SVIL: variants seen among roughly 807,000 people sequenced by gnomAD.
The protein encoded by SVIL is supervillin.
SVIL carries 101 observed loss-of-function variants against 240.4 expected under a neutral mutation model. The observed-to-expected ratio is 0.42, with a 90% CI of 0.36 to 0.50. SVIL has a LOEUF of 0.50. Ranked by LOEUF, SVIL falls within the 20% of genes least tolerant of loss-of-function variation. SVIL has a pLI of 0.01. For missense variants in SVIL, 2,512 were observed against 2,818.7 expected, an observed-to-expected ratio of 0.89 and a Z score of 2.46; for synonymous variants, 999 against 1,100.0, an observed-to-expected ratio of 0.91 and a Z score of 1.82.
intron 1 of SVIL, among the ~76,000 whole-genome samples, chr10:29,598,104 G>T (rs370100078): frequency 6.6e-6 from 1 of 152,054 alleles, no homozygotes; most frequent in Non-Finnish European, 1.5e-5. Context: ...CTGCTACAAC[G>T]TAGATCATGC....
intron 2 of SVIL, among the ~76,000 whole-genome samples, chr10:29,686,181 T>A (rs1480931040): frequency 1.3e-5 from 2 of 152,192 alleles, no homozygotes; most frequent in Non-Finnish European, 2.9e-5. Context: ...GAACCTGTGA[T>A]TAAAATGAGT....
chr10:29,592,139 C>A (rs1269849639), intron 1 of SVIL, among the ~76,000 whole-genome samples: 1 of 152,180 alleles, frequency 6.6e-6, no homozygotes. Flanking sequence ...ATAATCCCAG[C>A]TGCTTGGGAG....
chr10:29,471,196 G>T lies in SVIL; in HGVS notation c.5577C>A (p.Phe1859Leu), dbSNP rs1381193874. Residue 1859 changes from phenylalanine (F) to leucine (L), a missense_variant, in exon 31 of 38, where the codon TTC becomes TTA. By Grantham distance (22) the Phe-to-Leu change is conservative. Coordinates refer to ENST00000355867, the MANE Select transcript of SVIL (RefSeq NM_021738.3). ...GKEPPCFLQC[F>L]QGGMVVHSGR... ...CCGAGTGCACCACCATCCCCCCCTG[G>T]AAACACTGCAGGAAACAGGGGGGCT... The T allele has an allele frequency of 7.4e-6, 12 of 1,613,650 alleles. No individual in the cohort carries two copies. Among genetic ancestry groups the T allele is most frequent in the Non-Finnish European group, 1.0e-5 (12 of 1,179,866 alleles).
intron 6 of SVIL, among the ~76,000 whole-genome samples, chr10:29,541,959 A>G (rs1952198916): frequency 6.6e-6 from 1 of 152,218 alleles, no homozygotes; most frequent in Non-Finnish European, 1.5e-5. Flanking sequence ...GCTTTGTCGT[A>G]TAAACAAGTG....
rs372711014 is a variant in SVIL, at chr10:29,573,285, G to A, written c.-200-3973C>T. 1.6e-3 allele frequency among the ~76,000 whole-genome samples: 245 copies of A among 152,000 alleles called. 9 individuals are homozygous for A. In the South Asian group the frequency reaches 0.046, roughly 29 times the overall value. The stretch of plus-strand genomic sequence containing the variant: ...TGGGTATTATCTTTAAGTTGGTAAC[G>A]GAGTCTTACCAGAATTCTTTGCCTC... On this transcript the variant is annotated intron_variant, in intron 1 of 37. Transcript: ENST00000355867.
chr10:29,507,620 C>CACA (rs760698492), intron 17 of SVIL: 196 of 284,806 alleles, frequency 6.9e-4, no homozygotes, highest in African/African-American at 3.4e-3. Context: ...CACACACACA[C>CACA]ACCTCTCTTT....
chr10:29,626,173 G>A (rs1026422270), intron 1 of SVIL, among the ~76,000 whole-genome samples: 2 of 152,162 alleles, frequency 1.3e-5, no homozygotes, highest in Non-Finnish European at 2.9e-5. Flanking sequence ...TTGCCAAGAA[G>A]TAGATCTTAA....
chr10:29,461,297 A>AGTT (rs1944231461), intron 36 of SVIL, among the ~76,000 whole-genome samples: 1 of 152,170 alleles, frequency 6.6e-6, no homozygotes, highest in Non-Finnish European at 1.5e-5. Flanking sequence ...ACGAAACCAC[A>AGTT]GTTGCAGTGA....
chr10:29,613,541 T>C (rs1005798804), intron 1 of SVIL, among the ~76,000 whole-genome samples: 3 of 151,978 alleles, frequency 2.0e-5, no homozygotes, highest in South Asian at 2.1e-4. Flanking sequence ...TCTCACTATG[T>C]TGCCAGGGCT....
At chr10:29,704,310 G>A (rs527957248) in intron 1 of SVIL, among the ~76,000 whole-genome samples, 16 of 152,288 alleles carry the variant, frequency 1.1e-4, no homozygotes, top group African/African-American at 3.4e-4. Flanking sequence ...TGTGTTCACC[G>A]AGGAACTGAG....
chr10:29,471,279 G>A (rs750383703), intron 30 of SVIL, 36 bp from the exon 31 acceptor site: 26 of 1,531,198 alleles, frequency 1.7e-5, no homozygotes, highest in Admixed American at 7.8e-5. Flanking sequence ...GGTAAGGGGC[G>A]CGGGGCTTTC....
At chr10:29,675,378 C>A (rs1316309083) in intron 2 of SVIL, among the ~76,000 whole-genome samples, 1 of 152,200 alleles carries the variant, frequency 6.6e-6, no homozygotes, top group East Asian at 1.9e-4. Context: ...GTGGTGCATG[C>A]CTGTGGTCCT....
intron 2 of SVIL, among the ~76,000 whole-genome samples, chr10:29,683,404 T>C (rs1960814586): frequency 6.6e-6 from 1 of 152,220 alleles, no homozygotes; most frequent in South Asian, 2.1e-4. Flanking sequence ...GTCTGTTCTA[T>C]CAGTCTTAAG....
intron 17 of SVIL, among the ~76,000 whole-genome samples, chr10:29,501,163 A>G (rs1948859893): frequency 6.6e-6 from 1 of 150,602 alleles, no homozygotes; most frequent in African/African-American, 2.4e-5. Context: ...AGATATGACA[A>G]CCAAACGCGA....
Position 29,527,027 on chromosome 10 carries a change from C to A in SVIL, c.2276G>T (p.Gly759Val). The A allele has an allele frequency of 6.2e-7, 1 of 1,613,548 alleles. No homozygotes were observed. Among genetic ancestry groups the A allele is most frequent in the East Asian group, 2.2e-5 (1 of 44,868 alleles). The stretch of plus-strand genomic sequence containing the variant: ...AAGTCTCGCCATTACAGGGTGGGTG[C>A]CCCCAGAACACGAAGCGGGGATAGG... ...TEPIPASCSGGTHPVMARLPS... is the reference protein window; with the variant it reads ...TEPIPASCSGVTHPVMARLPS... Residue 759 changes from glycine (G) to valine (V), a missense_variant, in exon 13 of 38, where the codon GGC (glycine) becomes GTC (valine). Gly to Val is a moderately radical substitution (Grantham distance 109). This residue lies in a region of SVIL where 1,443 missense variants were observed against 1,486.6 expected (regional missense o/e 0.97). Transcript: ENST00000355867.
At chr10:29,652,729 C>T (rs953047526) in intron 3 of SVIL, among the ~76,000 whole-genome samples, 10 of 152,092 alleles carry the variant, frequency 6.6e-5, no homozygotes, top group African/African-American at 1.9e-4. Context: ...TGTCATTATC[C>T]GTCTTTGTGG....
intron 20 of SVIL, among the ~76,000 whole-genome samples, chr10:29,494,414 A>T (rs1277575442): frequency 1.3e-5 from 2 of 152,228 alleles, no homozygotes; most frequent in Admixed American, 6.5e-5. Context: ...CTAGTATTTG[A>T]TAAGTTTCCA....
intron 17 of SVIL, chr10:29,507,742 T>G (rs1340428317): frequency 1.0e-6 from 1 of 984,922 alleles, no homozygotes; most frequent in Non-Finnish European, 1.2e-6. Flanking sequence ...CTCACCTGAT[T>G]AATCGACACA....
intron 6 of SVIL, among the ~76,000 whole-genome samples, chr10:29,549,355 T>TA (rs34367658): frequency 0.34 from 40,861 of 121,452 alleles, 6,523 homozygotes; most frequent in East Asian, 0.35. Context: ...TGGCAGTCAT[T>TA]AAAAAGTCAG....
Sources: gnomAD v4.1 joint callset for allele counts (sites outside exome capture counted in the v4.1 genomes callset) on GRCh38, gnomAD v4.1.1 for gene constraint, gnomAD v4.1.1 regional missense constraint, MANE v1.5 for transcripts, NCBI Gene and HGNC (gene_info 2026-07-23, HGNC 2026-07-21) for gene names.